SCAMP1: variants seen among roughly 807,000 people sequenced by gnomAD.
SCAMP1 encodes secretory carrier-associated membrane protein 1.
SCAMP1 carries 15 observed loss-of-function variants against 41.8 expected under a neutral mutation model. The ratio of observed to expected loss-of-function variants is 0.36; its 90% CI spans 0.24 to 0.55. The LOEUF is 0.55. SCAMP1 is among the 20% of genes least tolerant of loss of function. SCAMP1 has a pLI of 0.86. For synonymous variants in SCAMP1, 135 were observed against 136.8 expected (o/e 0.99, Z 0.09); for missense variants, 341 against 412.6 (o/e 0.83, Z 1.50).
At chr5:78,454,801 T>G (rs1753342520) in intron 7 of SCAMP1, among the ~76,000 whole-genome samples, 2 of 152,254 alleles carry the variant, frequency 1.3e-5, no homozygotes, top group African/African-American at 4.8e-5. Flanking sequence ...CGGCTGTGAA[T>G]CCATCTGGTC....
In SCAMP1 at chr5:78,451,679, A is replaced by C. The variant is rs375158073; in HGVS notation, c.734+1645A>C. Among the ~76,000 whole-genome samples, 6 of 151,298 alleles carry C rather than the reference A, an allele frequency of 4.0e-5. No homozygotes were observed. In the East Asian group the frequency reaches 1.2e-3, roughly 29 times the overall value. ...TTGATTGATTGATTGATTGATTGAG[A>C]CAGAGTCTCGCCCTATCACCCAGGC... On this transcript the variant is annotated intron_variant, in intron 7 of 8. Transcript: ENST00000621999.
chr5:78,442,959 C>G (rs1431022919), intron 6 of SCAMP1, among the ~76,000 whole-genome samples: 1 of 152,134 alleles, frequency 6.6e-6, no homozygotes, highest in African/African-American at 2.4e-5. Context: ...GTAATCCCAG[C>G]ACTTTGGGAG....
chr5:78,385,796 G>A (rs1292039330), intron 1 of SCAMP1, among the ~76,000 whole-genome samples: 4 of 151,948 alleles, frequency 2.6e-5, no homozygotes, highest in Admixed American at 6.6e-5. Flanking sequence ...TTATTCCACT[G>A]TGGTCTGAAA....
chr5:78,370,101 A>G (rs1468220057), intron 1 of SCAMP1, among the ~76,000 whole-genome samples: 1 of 152,168 alleles, frequency 6.6e-6, no homozygotes, highest in Non-Finnish European at 1.5e-5. Context: ...ATATCTTTAA[A>G]ATATTCTCCT....
intron 2 of SCAMP1, among the ~76,000 whole-genome samples, chr5:78,403,987 G>A (rs1751865196): frequency 1.4e-5 from 2 of 142,980 alleles, no homozygotes; most frequent in South Asian, 2.2e-4. Context: ...AAAAGGGATG[G>A]TGGGCATGCC....
intron 8 of SCAMP1, among the ~76,000 whole-genome samples, chr5:78,463,323 A>G (rs1162823054): frequency 6.6e-6 from 1 of 152,068 alleles, no homozygotes; most frequent in Non-Finnish European, 1.5e-5. Context: ...CCATTTCTTC[A>G]TCCAGTTCAT....
intron 2 of SCAMP1, among the ~76,000 whole-genome samples, chr5:78,406,921 T>C (rs1013348664): frequency 3.9e-5 from 6 of 152,230 alleles, no homozygotes; most frequent in African/African-American, 1.4e-4. Context: ...TTTTGTTCTT[T>C]GTCTCCAACT....
chr5:78,432,892 C>A (rs566582963), intron 6 of SCAMP1, among the ~76,000 whole-genome samples: 140 of 152,052 alleles, frequency 9.2e-4, no homozygotes, highest in African/African-American at 3.2e-3. Context: ...TGATATTGCC[C>A]CATGTCTCTT....
intron 6 of SCAMP1, 79 bp from the exon 7 acceptor site, chr5:78,449,854 A>T: frequency 2.6e-6 from 2 of 770,330 alleles, no homozygotes; most frequent in South Asian, 1.7e-5. Flanking sequence ...ATGTAAAGAT[A>T]ATGAGAAAAA....
At chr5:78,423,756 C>A (rs1752398282) in intron 6 of SCAMP1, among the ~76,000 whole-genome samples, 1 of 151,650 alleles carries the variant, frequency 6.6e-6, no homozygotes, top group Admixed American at 6.6e-5. Context: ...GATCCCTAGG[C>A]TGAGTTTTTA....
At chr5:78,386,740 A>G (rs1285100894) in intron 1 of SCAMP1, among the ~76,000 whole-genome samples, 1 of 152,186 alleles carries the variant, frequency 6.6e-6, no homozygotes, top group Non-Finnish European at 1.5e-5. Flanking sequence ...TGGATACAGA[A>G]TTCTTGGCTG....
chr5:78,415,219 C>G (rs754139332), intron 2 of SCAMP1, among the ~76,000 whole-genome samples: 2 of 152,194 alleles, frequency 1.3e-5, no homozygotes, highest in Non-Finnish European at 2.9e-5. Context: ...TCCCAAAGTG[C>G]TGGGATTACA....
intron 8 of SCAMP1, among the ~76,000 whole-genome samples, chr5:78,462,070 A>G (rs1405290407): frequency 6.6e-6 from 1 of 152,180 alleles, no homozygotes; most frequent in Non-Finnish European, 1.5e-5. Context: ...TGATTCTTCT[A>G]ATCCATGAAT....
rs1754030092 is a variant in SCAMP1 at position 78,477,384 on chromosome 5, C to T, written c.*1716C>T. The stretch of plus-strand genomic sequence containing the variant: ...ATTTCTAATCAGCGATAATTTCTAC[C>T]TATGTTCTCAACCAACTTAGCCAGT... On this transcript the variant is annotated 3_prime_UTR_variant, in exon 9 of 9. Coordinates refer to ENST00000621999, the MANE Select transcript of SCAMP1 (RefSeq NM_004866.6). 1 of 152,032 alleles carries T rather than the reference C, an allele frequency of 6.6e-6. No individual in the cohort carries two copies. Among genetic ancestry groups the T allele is most frequent in the Non-Finnish European group, 1.5e-5 (1 of 67,964 alleles). The allele number at this position is 152,032 out of a possible 1,614,324, so 9.4% of individuals were successfully genotyped here. A position where few individuals can be genotyped will look rare whatever the true frequency, so the allele number is the denominator to read the frequency against.
chr5:78,400,643 C>T (rs1347458846), intron 2 of SCAMP1, among the ~76,000 whole-genome samples: 3 of 152,064 alleles, frequency 2.0e-5, no homozygotes, highest in African/African-American at 7.2e-5. Flanking sequence ...ATTTGAAATT[C>T]GACTTGTTCA....
At chr5:78,434,783 A>G (rs1752708137) in intron 6 of SCAMP1, among the ~76,000 whole-genome samples, 1 of 152,218 alleles carries the variant, frequency 6.6e-6, no homozygotes, top group Admixed American at 6.5e-5. Context: ...GTGATGCAGA[A>G]GGAAGTGTTA....
chr5:78,363,002 C>T (rs150009659), intron 1 of SCAMP1, among the ~76,000 whole-genome samples: 1 of 150,434 alleles, frequency 6.6e-6, no homozygotes, highest in Admixed American at 6.7e-5. Flanking sequence ...AAGTGATTCT[C>T]CTGCCTCAAC....
At chr5:78,437,751 C>T (rs1329649575) in intron 6 of SCAMP1, among the ~76,000 whole-genome samples, 1 of 152,154 alleles carries the variant, frequency 6.6e-6, no homozygotes, top group Non-Finnish European at 1.5e-5. Context: ...GGAGGATTTC[C>T]TGTTTTTCTA....
At chr5:78,392,124 C>T (rs1580659504) in intron 2 of SCAMP1, among the ~76,000 whole-genome samples, 1 of 152,090 alleles carries the variant, frequency 6.6e-6, no homozygotes, top group African/African-American at 2.4e-5. Context: ...TAAATGTTTG[C>T]AAAACTTTAC....
Sources: gnomAD v4.1 joint callset for allele counts (sites outside exome capture counted in the v4.1 genomes callset) on GRCh38, gnomAD v4.1.1 for gene constraint, MANE v1.5 for transcripts, NCBI Gene and HGNC (gene_info 2026-07-23, HGNC 2026-07-21) for gene names.